The following FHOD3 variants were observed in gnomAD, a reference collection of about 807,000 sequenced individuals.
The protein encoded by FHOD3 is formin homology 2 domain containing 3, also known as FH1/FH2 domain-containing protein 3.
A neutral mutation model predicts 173.0 loss-of-function variants in FHOD3; 90 were observed. That is an observed-to-expected ratio of 0.52 (90% confidence interval 0.44 to 0.62). FHOD3 has a LOEUF of 0.62. Among genes scored for constraint, FHOD3 ranks in the 20% least tolerant of loss-of-function variants. FHOD3 has a pLI of 0.00. For synonymous variants in FHOD3, 828 were observed against 823.0 expected, an observed-to-expected ratio of 1.01 and a Z score of -0.10; for missense variants, 1,945 against 2,034.7, an observed-to-expected ratio of 0.96 and a Z score of 0.85.
In FHOD3 at chr18:36,576,597, T is replaced by G. The variant is rs770696648; in HGVS notation, c.606+52T>G. The G allele has an allele frequency of 5.7e-6, 8 of 1,412,066 alleles. No individual in the cohort carries two copies. The African/African-American group carries it at 1.2e-4, about 20-fold the overall frequency. The allele number at this position is 1,412,066 out of a possible 1,614,324, so 87.5% of individuals were successfully genotyped here. ...TTGTTCACTTGTCATATCACTTGCC[T>G]TTCTTTTTTCTCTGAGTCAGTTTTG... On this transcript the variant is annotated intron_variant, in intron 6 of 28. Transcript: ENST00000590592.
chr18:36,645,015 A>G (rs1035137319), intron 10 of FHOD3, among the ~76,000 whole-genome samples: 8 of 152,306 alleles, frequency 5.3e-5, no homozygotes, highest in African/African-American at 1.9e-4. Flanking sequence ...CAAACTCCTG[A>G]TCAAGCTGAG....
intron 1 of FHOD3, among the ~76,000 whole-genome samples, chr18:36,312,842 C>T (rs1017821906): frequency 6.6e-6 from 1 of 152,154 alleles, no homozygotes; most frequent in South Asian, 2.1e-4. Flanking sequence ...TTCAAACAAT[C>T]ATATTTATTA....
chr18:36,654,656 C>A (rs936127918), intron 13 of FHOD3, among the ~76,000 whole-genome samples: 6 of 152,144 alleles, frequency 3.9e-5, no homozygotes, highest in Non-Finnish European at 7.3e-5. Flanking sequence ...GGGGCTGATT[C>A]TCAGGTGGGC....
intron 15 of FHOD3, among the ~76,000 whole-genome samples, chr18:36,684,011 A>G (rs2038432694): frequency 6.6e-6 from 1 of 152,242 alleles, no homozygotes; most frequent in Non-Finnish European, 1.5e-5. Flanking sequence ...ACAAAGAGCC[A>G]GGATATCAAG....
intron 3 of FHOD3, among the ~76,000 whole-genome samples, chr18:36,401,661 C>T (rs546738684): frequency 1.3e-5 from 2 of 152,292 alleles, no homozygotes; most frequent in East Asian, 3.9e-4. Flanking sequence ...ACAGGTACAA[C>T]AACATTCTAT....
At chr18:36,599,932 G>A (rs1323075148) in intron 7 of FHOD3, among the ~76,000 whole-genome samples, 2 of 148,780 alleles carry the variant, frequency 1.3e-5, no homozygotes, top group Non-Finnish European at 3.0e-5. Context: ...AGGAAAAAAG[G>A]CTCTCACAGA....
At chr18:36,480,848 ATTC>A (rs2053843354) in intron 3 of FHOD3, among the ~76,000 whole-genome samples, 1 of 152,138 alleles carries the variant, frequency 6.6e-6, no homozygotes, top group South Asian at 2.1e-4. Flanking sequence ...TTGCCTCCAC[ATTC>A]TTCTTGCTTT....
At chr18:36,586,715 C>T (rs573001299) in intron 6 of FHOD3, among the ~76,000 whole-genome samples, 7 of 152,064 alleles carry the variant, frequency 4.6e-5, no homozygotes, top group Non-Finnish European at 8.8e-5. Flanking sequence ...CTCCTGACCT[C>T]GTGATCCTCC....
At chr18:36,649,132 C>T (rs898529885) in intron 10 of FHOD3, among the ~76,000 whole-genome samples, 184 bp from the exon 11 acceptor site, 1 of 151,610 alleles carries the variant, frequency 6.6e-6, no homozygotes, top group Admixed American at 6.6e-5. Flanking sequence ...TGTCTCTTGT[C>T]TCCTAACAGA....
chr18:36,448,936 C>G (rs1178672040), intron 3 of FHOD3, among the ~76,000 whole-genome samples: 1 of 151,612 alleles, frequency 6.6e-6, no homozygotes, highest in African/African-American at 2.4e-5. Flanking sequence ...CCCAGAGCCC[C>G]CCAGTTACCC....
rs59581285 is a variant in FHOD3 at position 36,545,779 on chromosome 18, A to G, written c.512-30672A>G. 1.6e-4 allele frequency among the ~76,000 whole-genome samples: 25 copies of G among 152,360 alleles called. No individual in the cohort carries two copies. In the East Asian group the frequency reaches 3.5e-3, roughly 21 times the overall value. On this transcript the variant is annotated intron_variant, in intron 5 of 28. Coordinates refer to ENST00000590592, the MANE Select transcript of FHOD3 (RefSeq NM_001281740.3). ...TGATTTCCATTAAGTAGGAATTGAA[A>G]TGAACTGTTGAATTGTTGCTTTTTG...
intron 1 of FHOD3, among the ~76,000 whole-genome samples, chr18:36,312,067 C>T (rs1356742254): frequency 4.6e-5 from 7 of 152,226 alleles, no homozygotes; most frequent in Non-Finnish European, 1.5e-5. Context: ...TGTACCCTCC[C>T]AGTTCCTGTC....
intron 1 of FHOD3, among the ~76,000 whole-genome samples, chr18:36,301,364 C>T (rs549976225): frequency 2.5e-4 from 38 of 152,258 alleles, no homozygotes; most frequent in African/African-American, 9.1e-4. Flanking sequence ...TCATCTTATG[C>T]AAAAATAAGA....
chr18:36,553,603 C>A (rs568353895), intron 5 of FHOD3, among the ~76,000 whole-genome samples: 4 of 152,036 alleles, frequency 2.6e-5, no homozygotes, highest in Non-Finnish European at 5.9e-5. Context: ...AGTTTATTTG[C>A]GTAGAGGTGT....
intron 3 of FHOD3, among the ~76,000 whole-genome samples, chr18:36,430,982 T>C (rs950870075): frequency 6.6e-6 from 1 of 152,188 alleles, no homozygotes; most frequent in Admixed American, 6.5e-5. Flanking sequence ...CTTCAAGCGA[T>C]ACAAAGCTGA....
intron 3 of FHOD3, among the ~76,000 whole-genome samples, chr18:36,478,296 G>A (rs1160125650): frequency 6.6e-6 from 1 of 152,034 alleles, no homozygotes; most frequent in African/African-American, 2.4e-5. Context: ...TAAGTTTTGT[G>A]AGTACACAGT....
rs751185984 is a variant in FHOD3, at chr18:36,380,552, G to GTTTTC, written c.337+7834_337+7838dup. Among the ~76,000 whole-genome samples the GTTTTC allele has an allele frequency of 3.2e-3, 251 of 79,398 alleles. 13 individuals carry two copies. Among genetic ancestry groups the GTTTTC allele is most frequent in the African/African-American group, 9.3e-3 (177 of 19,044 alleles). The allele number at this position is 79,398 out of a possible 152,430, so 52.1% of individuals were successfully genotyped here. On this transcript the variant is annotated intron_variant, in intron 3 of 28. Transcript: ENST00000590592. ...TTTTCCCTTTCTCTCTCTTTCTTTT[G>GTTTTC]TTTTCTTTTCTTTTCTTTTCTTTTC...
intron 5 of FHOD3, among the ~76,000 whole-genome samples, chr18:36,524,289 A>T (rs935978297): frequency 5.9e-5 from 9 of 152,118 alleles, no homozygotes; most frequent in African/African-American, 2.2e-4. Context: ...CTCAAAAAAA[A>T]AAAAAAAAAG....
At chr18:36,353,466 A>G (rs2046225659) in intron 1 of FHOD3, among the ~76,000 whole-genome samples, 1 of 152,230 alleles carries the variant, frequency 6.6e-6, no homozygotes, top group Non-Finnish European at 1.5e-5. Flanking sequence ...TCCTATCAAA[A>G]CAAAAACTAA....
Sources: allele counts gnomAD v4.1 joint callset (sites outside exome capture counted in the v4.1 genomes callset), GRCh38; gene constraint gnomAD v4.1.1; transcripts MANE v1.5; gene names NCBI Gene and HGNC (gene_info 2026-07-23, HGNC 2026-07-21).